GALK2: variants seen among roughly 807,000 people sequenced by gnomAD.
GALK2 encodes galactokinase 2.
GALK2 carries 36 observed loss-of-function variants against 52.4 expected under a neutral mutation model. The observed-to-expected ratio is 0.69, with a 90% CI of 0.53 to 0.91. The LOEUF is 0.91. GALK2 is among the 40% of genes least tolerant of loss of function. GALK2 has a pLI of 0.00. For synonymous variants in GALK2, 176 were observed against 199.1 expected, an observed-to-expected ratio of 0.88 and a Z score of 0.98; for missense variants, 579 against 559.1, an observed-to-expected ratio of 1.04 and a Z score of -0.36.
intron 3 of GALK2, chr15:49,366,254 T>A: frequency 1.3e-6 from 1 of 786,454 alleles, no homozygotes; most frequent in East Asian, 2.4e-5. Context: ...ATCTATAAAG[T>A]CTTTGTCACT....
At chr15:49,204,407 G>A (rs1482807914) in intron 2 of GALK2, among the ~76,000 whole-genome samples, 1 of 151,656 alleles carries the variant, frequency 6.6e-6, no homozygotes, top group Non-Finnish European at 1.5e-5. Flanking sequence ...ACGAGGAATT[G>A]CATTGAATCT....
intron 1 of GALK2, among the ~76,000 whole-genome samples, chr15:49,183,448 T>A (rs2086119084): frequency 6.6e-6 from 1 of 152,250 alleles, no homozygotes; most frequent in Non-Finnish European, 1.5e-5. Context: ...TATTGTTTAA[T>A]TGTGTTTGTA....
At chr15:49,322,963 AAAAAAAAAAAAAAG>A (rs1215969375) in intron 9 of GALK2, among the ~76,000 whole-genome samples, 96 of 150,206 alleles carry the variant, frequency 6.4e-4, no homozygotes, top group African/African-American at 1.5e-3. Flanking sequence ...TCTCAGGTAA[AAAAAAAAAAAAAAG>A]AAAAAAAAAA....
At chr15:49,192,473 T>TTA (rs1228381589) in intron 1 of GALK2, among the ~76,000 whole-genome samples, 2 of 82,390 alleles carry the variant, frequency 2.4e-5, no homozygotes, top group Non-Finnish European at 5.0e-5. Flanking sequence ...GCAATGAATA[T>TTA]TATATATATA....
intron 2 of GALK2, among the ~76,000 whole-genome samples, chr15:49,205,652 C>A (rs478500): frequency 6.6e-6 from 1 of 152,080 alleles, no homozygotes; most frequent in Non-Finnish European, 1.5e-5. Context: ...GATGTATAGA[C>A]TGTGAAGATT....
At chr15:49,269,867 A>G (rs2030143370) in intron 5 of GALK2, among the ~76,000 whole-genome samples, 1 of 152,182 alleles carries the variant, frequency 6.6e-6, no homozygotes, top group South Asian at 2.1e-4. Context: ...CTTTCTATCT[A>G]TATATCCCCA....
At chr15:49,348,019 CAAAAAAAAAA>C (rs67614443) in intron 3 of GALK2, among the ~76,000 whole-genome samples, 1 of 70,100 alleles carries the variant, frequency 1.4e-5, no homozygotes, top group Non-Finnish European at 2.7e-5. Context: ...AACTCTGTCT[CAAAAAAAAAA>C]AAAAAAAAAA....
chr15:49,366,779 G>A (rs2045285775), intron 3 of GALK2: 1 of 616,312 alleles, frequency 1.6e-6, no homozygotes, highest in Non-Finnish European at 2.7e-6. Flanking sequence ...TGGCGGGGGC[G>A]GCCGGGCTAG....
intron 3 of GALK2, among the ~76,000 whole-genome samples, chr15:49,354,632 T>C (rs909391366): frequency 4.6e-5 from 7 of 152,232 alleles, no homozygotes; most frequent in African/African-American, 1.7e-4. Flanking sequence ...AGCACAGCAG[T>C]CTGAGATCAA....
intron 7 of GALK2, among the ~76,000 whole-genome samples, chr15:49,290,945 T>A (rs1341479836): frequency 6.6e-6 from 1 of 152,084 alleles, no homozygotes; most frequent in Non-Finnish European, 1.5e-5. Context: ...GTTGAGTTAC[T>A]TTGTTTTTTT....
At chr15:49,172,442 C>A (rs79891186) in intron 1 of GALK2, among the ~76,000 whole-genome samples, 1 of 152,248 alleles carries the variant, frequency 6.6e-6, no homozygotes, top group East Asian at 1.9e-4. Context: ...TGTTTTGCAG[C>A]CACTTACTCA....
chr15:49,309,404 ATTATT>A (rs1303851574), intron 8 of GALK2, among the ~76,000 whole-genome samples: 2 of 152,108 alleles, frequency 1.3e-5, no homozygotes, highest in Non-Finnish European at 2.9e-5. Context: ...TCTAACTGGA[ATTATT>A]TTATTTTTTA....
intron 8 of GALK2, among the ~76,000 whole-genome samples, chr15:49,315,068 A>T (rs1391613597): frequency 1.3e-5 from 2 of 152,256 alleles, no homozygotes; most frequent in Non-Finnish European, 2.9e-5. Context: ...TTAAGTATAT[A>T]TAGCCATGAA....
chr15:49,313,933 A>T (rs181300645), intron 8 of GALK2, among the ~76,000 whole-genome samples: 1 of 152,356 alleles, frequency 6.6e-6, no homozygotes, highest in African/African-American at 2.4e-5. Context: ...TAGCCCTTGC[A>T]TGCATAGGTT....
intron 6 of GALK2, among the ~76,000 whole-genome samples, chr15:49,282,769 C>T (rs2032878104): frequency 6.6e-6 from 1 of 152,086 alleles, no homozygotes; most frequent in African/African-American, 2.4e-5. Flanking sequence ...GGCTATTTTC[C>T]AAGAACACCT....
intron 5 of GALK2, among the ~76,000 whole-genome samples, chr15:49,276,050 T>G (rs2031603889): frequency 6.6e-6 from 1 of 152,196 alleles, no homozygotes; most frequent in Non-Finnish European, 1.5e-5. Flanking sequence ...AGGGCAGAAG[T>G]CTGAATAGAC....
chr15:49,240,721 G>T (rs2091053963), intron 5 of GALK2, among the ~76,000 whole-genome samples: 1 of 152,158 alleles, frequency 6.6e-6, no homozygotes, highest in Non-Finnish European at 1.5e-5. Flanking sequence ...CAAAAAAAAT[G>T]TCTCAATATG....
rs1478794897 is a variant in GALK2 at position 49,263,045 on chromosome 15, G to C, written c.505-18942G>C. Reference sequence around the variant, plus strand: ...TGGTGCTGAAAAAAATGTATATTCTGTTGATTTGGGGTGGAGAGTTCTGTA... The same window carrying C: ...TGGTGCTGAAAAAAATGTATATTCTCTTGATTTGGGGTGGAGAGTTCTGTA... On this transcript the variant is annotated intron_variant, in intron 5 of 9. Coordinates refer to ENST00000560031, the MANE Select transcript of GALK2 (RefSeq NM_002044.4). Among the ~76,000 whole-genome samples the C allele has an allele frequency of 5.7e-5, 8 of 139,280 alleles. 1 individual carries two copies. Among genetic ancestry groups the C allele is most frequent in the Non-Finnish European group, 1.2e-4 (8 of 65,062 alleles). 91.4% of individuals were successfully genotyped at this position (139,280 alleles called of 152,430 possible).
intron 5 of GALK2, among the ~76,000 whole-genome samples, chr15:49,273,779 G>T (rs149379652): frequency 6.6e-6 from 1 of 152,108 alleles, no homozygotes; most frequent in African/African-American, 2.4e-5. Flanking sequence ...TTGAAAGTTA[G>T]GGTGGAGAAG....
Sources: gnomAD v4.1 joint callset for allele counts (sites outside exome capture counted in the v4.1 genomes callset) on GRCh38, gnomAD v4.1.1 for gene constraint, MANE v1.5 for transcripts, NCBI Gene and HGNC (gene_info 2026-07-23, HGNC 2026-07-21) for gene names.